Variants in CDS2 observed in about 807,000 individuals in gnomAD.
CDS2 encodes CDP-diacylglycerol synthase 2, also known as phosphatidate cytidylyltransferase 2.
Under a neutral mutation model 59.0 loss-of-function variants are expected in CDS2, and 47 were observed. The ratio of observed to expected loss-of-function variants is 0.80; its 90% CI spans 0.63 to 1.02. The LOEUF (loss-of-function observed/expected upper bound fraction) is 1.02, where lower values mean the gene tolerates loss of function less well. CDS2 is among the 50% of genes least tolerant of loss of function. The probability of loss-of-function intolerance (pLI) is 0.00; values close to 1 mark genes in which losing one functional copy is unlikely to be tolerated. For synonymous variants in CDS2, 207 were observed against 206.4 expected (o/e 1.00, Z -0.02); for missense variants, 356 against 558.9 (o/e 0.64, Z 3.66).
At chr20:5,145,442 T>C (rs1426583582) in intron 1 of CDS2, among the ~76,000 whole-genome samples, 1 of 152,146 alleles carries the variant, frequency 6.6e-6, no homozygotes, top group Non-Finnish European at 1.5e-5. Context: ...TGTTTCAGTG[T>C]ACAGACCTTC....
intron 1 of CDS2, among the ~76,000 whole-genome samples, chr20:5,143,917 A>C (rs909844298): frequency 1.3e-5 from 2 of 151,772 alleles, no homozygotes; most frequent in Admixed American, 1.3e-4. Flanking sequence ...GGACTGTGCC[A>C]CCATGCTCTG....
chr20:5,149,146 A>G (rs2090768700), intron 1 of CDS2, among the ~76,000 whole-genome samples: 1 of 152,102 alleles, frequency 6.6e-6, no homozygotes, highest in African/African-American at 2.4e-5. Context: ...TTCCATTTCC[A>G]TGAGTACTAT....
chr20:5,172,515 G>T (rs76722286), intron 1 of CDS2, among the ~76,000 whole-genome samples: 1 of 152,170 alleles, frequency 6.6e-6, no homozygotes, highest in Non-Finnish European at 1.5e-5. Context: ...TCACAATTCC[G>T]TGTATTCATC....
At chr20:5,146,789 G>A (rs2090747137) in intron 1 of CDS2, among the ~76,000 whole-genome samples, 1 of 152,182 alleles carries the variant, frequency 6.6e-6, no homozygotes, top group East Asian at 1.9e-4. Flanking sequence ...AAACAAGCTA[G>A]AAGTTTATTT....
chr20:5,152,633 C>G (rs1160771959), intron 1 of CDS2, among the ~76,000 whole-genome samples: 1 of 152,150 alleles, frequency 6.6e-6, no homozygotes, highest in Non-Finnish European at 1.5e-5. Context: ...ATCCCAGCTA[C>G]TCGGGAGGCT....
intron 1 of CDS2, among the ~76,000 whole-genome samples, chr20:5,172,157 C>T (rs547815110): frequency 2.6e-5 from 4 of 152,150 alleles, no homozygotes; most frequent in East Asian, 3.9e-4. Flanking sequence ...TGCTGTGTGC[C>T]GTGCATGGGG....
chr20:5,159,283 C>T (rs905369771), intron 1 of CDS2, among the ~76,000 whole-genome samples: 1 of 150,382 alleles, frequency 6.6e-6, no homozygotes, highest in Admixed American at 6.6e-5. Context: ...CCCATTAACT[C>T]GTCATTTACA....
rs149118554 is a variant in CDS2 at position 5,184,915 on chromosome 20, C to A, written c.729C>A (p.Gly243=). The change falls in exon 8 of 13, where the codon GGC becomes GGA. Residue 243 remains glycine, a synonymous_variant. Transcript: ENST00000460006. The surrounding 1 kb of genome is among the most constrained non-coding windows in gnomAD (Gnocchi z 4.3). ...ATGACATCATGGCCTATATGTTTGG[C>A]TTTTTCTTTGGTCGGACCCCACTCA... ...ICNDIMAYMF[G]FFFGRTPLIK... 1.1e-4 allele frequency: 176 copies of A among 1,613,852 alleles called. No homozygotes were observed. In the African/African-American group the frequency reaches 1.9e-3, roughly 18 times the overall value.
chr20:5,127,266 C>A (rs1473914207), intron 1 of CDS2, 117 bp downstream of exon 1: 2 of 972,118 alleles, frequency 2.1e-6, no homozygotes, highest in Admixed American at 4.1e-5. Flanking sequence ...CCGACGGCGG[C>A]CCCGGGCCCG....
At chr20:5,170,557 C>T (rs2090948768) in intron 1 of CDS2, among the ~76,000 whole-genome samples, 1 of 152,222 alleles carries the variant, frequency 6.6e-6, no homozygotes, top group South Asian at 2.1e-4. Flanking sequence ...TGTGTCTTCC[C>T]CAGGCTGTGC....
intron 1 of CDS2, among the ~76,000 whole-genome samples, chr20:5,147,947 TTTG>T (rs984914787): frequency 2.0e-5 from 3 of 152,112 alleles, no homozygotes; most frequent in African/African-American, 7.2e-5. Context: ...ATTGTTTTTT[TTTG>T]TTGTTGTTGC....
intron 1 of CDS2, among the ~76,000 whole-genome samples, chr20:5,167,213 T>C (rs2090919440): frequency 6.6e-6 from 1 of 152,246 alleles, no homozygotes; most frequent in Admixed American, 6.5e-5. Flanking sequence ...TTTAAGAAGC[T>C]GAATCTGCCA....
rs928515205 is a variant in CDS2, at chr20:5,129,443, AT to A, written c.57+2311del. On this transcript the variant is annotated intron_variant, in intron 1 of 12. Coordinates refer to ENST00000460006, the MANE Select transcript of CDS2 (RefSeq NM_003818.4). The stretch of plus-strand genomic sequence containing the variant: ...AGGCATCCGCCACCACGCTCGGCTA[AT>A]TTTTTTTTTTTTTTTTGAGAGGGAG... 5.0e-3 allele frequency among the ~76,000 whole-genome samples: 607 copies of A among 121,962 alleles called. 1 individual carries two copies. The highest frequency in any genetic ancestry group is 0.024 in the East Asian group (107 of 4,378). The allele number at this position is 121,962 out of a possible 152,430, so 80.0% of individuals were successfully genotyped here.
chr20:5,157,541 A>G (rs555883690), intron 1 of CDS2, among the ~76,000 whole-genome samples: 2 of 152,280 alleles, frequency 1.3e-5, no homozygotes, highest in East Asian at 3.9e-4. Flanking sequence ...TACTATAATG[A>G]AACACCATGA....
At chr20:5,179,555 C>T (rs985203783) in intron 5 of CDS2, among the ~76,000 whole-genome samples, 5 of 152,236 alleles carry the variant, frequency 3.3e-5, no homozygotes, top group African/African-American at 1.2e-4. Flanking sequence ...GGCAAAGATT[C>T]TGCAGTGGGA....
chr20:5,134,330 C>T (rs1406965749), intron 1 of CDS2, among the ~76,000 whole-genome samples: 4 of 152,168 alleles, frequency 2.6e-5, no homozygotes, highest in Non-Finnish European at 5.9e-5. Context: ...TTAGAACATT[C>T]ACTGACTGTA....
At chr20:5,168,535 G>A (rs1353020853) in intron 1 of CDS2, 3 of 500,356 alleles carry the variant, frequency 6.0e-6, no homozygotes, top group African/African-American at 1.9e-5. Context: ...CATGGGCACA[G>A]CCACACTTTT....
chr20:5,186,677 T>C lies in CDS2; in HGVS notation c.829-10T>C, dbSNP rs956784110. 1.2e-6 allele frequency: 2 copies of C among 1,613,582 alleles called. No individual in the cohort carries two copies. Among genetic ancestry groups the C allele is most frequent in the Non-Finnish European group, 1.7e-6 (2 of 1,179,636 alleles). On this transcript the variant is annotated splice_polypyrimidine_tract_variant and intron_variant, in intron 9 of 12. Coordinates refer to ENST00000460006, the MANE Select transcript of CDS2 (RefSeq NM_003818.4). ...ACTTCCTTGCCGGTCTCTCTGTTATTCCTCCTCAGCTGTCCTATGTGATGT... is the reference window on the plus strand; with the variant it reads ...ACTTCCTTGCCGGTCTCTCTGTTATCCCTCCTCAGCTGTCCTATGTGATGT...
At chr20:5,149,856 C>T (rs2090774778) in intron 1 of CDS2, among the ~76,000 whole-genome samples, 1 of 152,102 alleles carries the variant, frequency 6.6e-6, no homozygotes, top group Non-Finnish European at 1.5e-5. Context: ...GCTGGGATTA[C>T]AGGTGCCTGC....
Sources: allele counts gnomAD v4.1 joint callset (sites outside exome capture counted in the v4.1 genomes callset), GRCh38; gene constraint gnomAD v4.1.1; non-coding constraint Gnocchi (gnomAD v3.1); transcripts MANE v1.5; gene names NCBI Gene and HGNC (gene_info 2026-07-23, HGNC 2026-07-21).